The following ADAM32 variants were observed in gnomAD, a reference collection of about 807,000 sequenced individuals.
The protein encoded by ADAM32 is disintegrin and metalloproteinase domain-containing protein 32.
ADAM32 carries 89 observed loss-of-function variants against 114.9 expected under a neutral mutation model. The ratio of observed to expected loss-of-function variants is 0.77; its 90% CI spans 0.65 to 0.92. The LOEUF (loss-of-function observed/expected upper bound fraction) is 0.92. Among genes scored for constraint, ADAM32 ranks in the 40% least tolerant of loss-of-function variants. The pLI is 0.00. For missense variants in ADAM32, 870 were observed against 932.8 expected (o/e 0.93, Z 0.88); for synonymous variants, 285 against 307.5 (o/e 0.93, Z 0.77).
chr8:39,119,929 T>G (rs1461653041), intron 2 of ADAM32, among the ~76,000 whole-genome samples: 1 of 152,184 alleles, frequency 6.6e-6, no homozygotes, highest in Non-Finnish European at 1.5e-5. Context: ...AGGGTAGGGC[T>G]TTAATTAATC....
rs538996667 is a variant in ADAM32 at position 39,112,224 on chromosome 8, T to C, written c.58+4391T>C. 6.6e-5 allele frequency among the ~76,000 whole-genome samples: 10 copies of C among 152,320 alleles called. No homozygotes were observed. In the South Asian group the frequency reaches 1.9e-3, roughly 28 times the overall value. ...ATAAATATGTGTAAATGTAGACATA[T>C]ACGGTCCTTTTGAAGTAAATTATAA... On this transcript the variant is annotated intron_variant, in intron 1 of 24. Coordinates refer to ENST00000379907, the MANE Select transcript of ADAM32 (RefSeq NM_145004.7).
chr8:39,193,086 A>G (rs1806711287), intron 11 of ADAM32, among the ~76,000 whole-genome samples: 1 of 152,138 alleles, frequency 6.6e-6, no homozygotes, highest in African/African-American at 2.4e-5. Flanking sequence ...ATATCCTGAA[A>G]TATGTTTTCC....
At position 39,278,603 on chromosome 8, in the gene ADAM32, T is replaced by C. The variant is rs182919512; in HGVS notation, c.2280-2533T>C. Reference sequence around the variant, plus strand: ...TTATTGTCATTTGGCTTTTAGCTTCTTCCAGGTTTTTACCTACAGAACCCT... The same window carrying C: ...TTATTGTCATTTGGCTTTTAGCTTCCTCCAGGTTTTTACCTACAGAACCCT... On this transcript the variant is annotated intron_variant, in intron 22 of 24. Transcript: ENST00000379907. Among the ~76,000 whole-genome samples the C allele has an allele frequency of 2.6e-5, 4 of 152,090 alleles. No homozygotes were observed. In the East Asian group the frequency reaches 7.7e-4, roughly 29 times the overall value.
intron 3 of ADAM32, among the ~76,000 whole-genome samples, chr8:39,144,838 G>A (rs559538887): frequency 1.3e-5 from 2 of 152,240 alleles, no homozygotes; most frequent in South Asian, 4.2e-4. Flanking sequence ...ATGAATAAAA[G>A]GCATCCTAAT....
At chr8:39,250,307 T>C (rs1811207958) in intron 17 of ADAM32, among the ~76,000 whole-genome samples, 1 of 151,882 alleles carries the variant, frequency 6.6e-6, no homozygotes, top group Admixed American at 6.6e-5. Context: ...AAGTTTCTAT[T>C]GAGACACCCT....
At chr8:39,272,535 T>C (rs1337049333) in intron 20 of ADAM32, among the ~76,000 whole-genome samples, 2 of 152,194 alleles carry the variant, frequency 1.3e-5, no homozygotes, top group Non-Finnish European at 2.9e-5. Context: ...TGTAAGCAAC[T>C]GTAACTGATT....
intron 10 of ADAM32, among the ~76,000 whole-genome samples, chr8:39,184,568 A>G (rs1471364029): frequency 6.6e-6 from 1 of 152,218 alleles, no homozygotes; most frequent in Non-Finnish European, 1.5e-5. Flanking sequence ...AGAAACCAAT[A>G]AGCCCCAGAA....
chr8:39,206,325 A>G (rs1807829124), intron 11 of ADAM32, among the ~76,000 whole-genome samples: 1 of 152,128 alleles, frequency 6.6e-6, no homozygotes, highest in South Asian at 2.1e-4. Context: ...GGCACCAGTG[A>G]TGGTGGTTTT....
At chr8:39,132,579 A>G (rs1212223644) in intron 2 of ADAM32, among the ~76,000 whole-genome samples, 1 of 152,248 alleles carries the variant, frequency 6.6e-6, no homozygotes, top group Non-Finnish European at 1.5e-5. Context: ...TAGAAAAACT[A>G]TTAAAGTCTT....
chr8:39,135,047 C>T (rs1159930883), intron 2 of ADAM32, among the ~76,000 whole-genome samples: 4 of 152,054 alleles, frequency 2.6e-5, no homozygotes, highest in African/African-American at 7.2e-5. Context: ...TCCAGCTCCT[C>T]GGGAGGCTGA....
At chr8:39,221,724 A>G in intron 13 of ADAM32, 22 bp downstream of exon 13, 1 of 1,556,266 alleles carries the variant, frequency 6.4e-7, no homozygotes, top group Non-Finnish European at 8.8e-7. Flanking sequence ...GCTTATGAAC[A>G]TCTTTCAAAT....
intron 17 of ADAM32, among the ~76,000 whole-genome samples, chr8:39,247,856 G>T (rs895328960): frequency 6.6e-6 from 1 of 150,806 alleles, no homozygotes; most frequent in African/African-American, 2.4e-5. Flanking sequence ...ACCCATTCTG[G>T]ATTAACTTTT....
intron 24 of ADAM32, 121 bp from the exon 25 acceptor site, chr8:39,284,672 C>T (rs1813664704): frequency 1.9e-6 from 2 of 1,062,934 alleles, no homozygotes; most frequent in African/African-American, 3.2e-5. Context: ...AACATCCTTT[C>T]AATAATTCTT....
At chr8:39,191,540 A>G (rs1585500587) in intron 11 of ADAM32, among the ~76,000 whole-genome samples, 1 of 152,116 alleles carries the variant, frequency 6.6e-6, no homozygotes, top group African/African-American at 2.4e-5. Context: ...TGTTTGCTGC[A>G]TGTATGTCTT....
intron 6 of ADAM32, among the ~76,000 whole-genome samples, chr8:39,160,532 T>G (rs1804434835): frequency 1.2e-5 from 1 of 85,090 alleles, no homozygotes. Flanking sequence ...AGAGCGAGAC[T>G]CCATCTCAAA....
intron 2 of ADAM32, among the ~76,000 whole-genome samples, chr8:39,121,312 G>A (rs1018433580): frequency 6.6e-6 from 1 of 152,174 alleles, no homozygotes; most frequent in Non-Finnish European, 1.5e-5. Flanking sequence ...GGATTCTACA[G>A]GATAGGACGA....
intron 11 of ADAM32, among the ~76,000 whole-genome samples, chr8:39,200,947 T>G (rs1807356245): frequency 6.6e-6 from 1 of 152,234 alleles, no homozygotes; most frequent in African/African-American, 2.4e-5. Context: ...TGTGTGGTAT[T>G]ATTTCTGAAG....
chr8:39,144,237 G>C (rs7001989), intron 3 of ADAM32, among the ~76,000 whole-genome samples: 151,873 of 152,332 alleles, frequency 1, 75,710 homozygotes, highest in Non-Finnish European at 1. Flanking sequence ...ACCCACTGTT[G>C]ATCCAGTCCC....
At chr8:39,202,542 C>A (rs1283626201) in intron 11 of ADAM32, among the ~76,000 whole-genome samples, 1 of 152,090 alleles carries the variant, frequency 6.6e-6, no homozygotes, top group Non-Finnish European at 1.5e-5. Flanking sequence ...GTCTTGCTAG[C>A]AGTCTATCAA....
Sources: allele counts gnomAD v4.1 joint callset (sites outside exome capture counted in the v4.1 genomes callset), GRCh38; gene constraint gnomAD v4.1.1; transcripts MANE v1.5; gene names NCBI Gene and HGNC (gene_info 2026-07-23, HGNC 2026-07-21).